The following MAF variants were observed in gnomAD, a reference collection of about 807,000 sequenced individuals.
MAF encodes the protein MAF bZIP transcription factor.
In MAF, 10 loss-of-function variants were observed where a neutral mutation model predicts 22.0. That is an observed-to-expected ratio of 0.45 (90% CI 0.28 to 0.77). MAF has a LOEUF of 0.77. MAF is among the 30% of genes least tolerant of loss of function. MAF has a pLI of 0.12. For missense variants in MAF, 544 were observed against 548.4 expected, an observed-to-expected ratio of 0.99 and a Z score of 0.08; for synonymous variants, 337 against 255.8, an observed-to-expected ratio of 1.32 and a Z score of -3.03.
the MAF span, among the ~76,000 whole-genome samples, chr16:79,229,853 C>T: frequency 1.3e-5 from 2 of 152,036 alleles, no homozygotes; most frequent in African/African-American, 4.8e-5. Context: ...GTAGAATGAC[C>T]TGATTTCTGC....
At chr16:79,446,625 A>C in the MAF span, among the ~76,000 whole-genome samples, 1 of 152,184 alleles carries the variant, frequency 6.6e-6, no homozygotes, top group Non-Finnish European at 1.5e-5. Flanking sequence ...TACATTTAAG[A>C]AATCAGGCCG....
chr16:79,265,703 A>G, the MAF span, among the ~76,000 whole-genome samples: 9 of 152,248 alleles, frequency 5.9e-5, 1 homozygote. Flanking sequence ...AGATCTTAGC[A>G]ATCTCAGCAC....
chr16:79,309,132 T>C, the MAF span, among the ~76,000 whole-genome samples: 1 of 152,160 alleles, frequency 6.6e-6, no homozygotes, highest in Admixed American at 6.5e-5. Context: ...GTGTTCCATC[T>C]AAGCCTTGGA....
chr16:79,479,424 T>C, the MAF span, among the ~76,000 whole-genome samples: 1 of 152,374 alleles, frequency 6.6e-6, no homozygotes, highest in African/African-American at 2.4e-5. Context: ...AATGTTTGAC[T>C]GAGCATCCGT....
the MAF span, among the ~76,000 whole-genome samples, chr16:79,527,264 G>A: frequency 2.6e-5 from 4 of 152,210 alleles, no homozygotes; most frequent in Admixed American, 6.5e-5. Context: ...TTGATATAGG[G>A]TTTCATCTCC....
the MAF span, among the ~76,000 whole-genome samples, chr16:79,270,188 C>T: frequency 1.3e-5 from 2 of 152,020 alleles, no homozygotes; most frequent in African/African-American, 4.8e-5. Context: ...AAGCAGATCC[C>T]TTCTGCATCT....
chr16:79,511,533 G>A, the MAF span, among the ~76,000 whole-genome samples: 4 of 152,128 alleles, frequency 2.6e-5, no homozygotes, highest in Non-Finnish European at 5.9e-5. Context: ...CAAAAATAAG[G>A]GAGACGTAGA....
chr16:79,467,229 G>T, the MAF span, among the ~76,000 whole-genome samples: 5 of 151,880 alleles, frequency 3.3e-5, no homozygotes, highest in Admixed American at 2.0e-4. Flanking sequence ...TTCATTAGGG[G>T]GTCCTCTCTG....
chr16:79,449,007 G>T, the MAF span, among the ~76,000 whole-genome samples: 1 of 152,200 alleles, frequency 6.6e-6, no homozygotes, highest in Non-Finnish European at 1.5e-5. Context: ...AGAACACTGG[G>T]AACCCCGAGA....
At chr16:79,596,286 A>T (rs1913519988) in intron 1 of MAF, 2 of 1,059,860 alleles carry the variant, frequency 1.9e-6, no homozygotes, top group African/African-American at 3.3e-5. Flanking sequence ...CATAATTTAC[A>T]TCTATATTAA....
At chr16:79,543,122 G>A in the MAF span, among the ~76,000 whole-genome samples, 1 of 152,186 alleles carries the variant, frequency 6.6e-6, no homozygotes, top group African/African-American at 2.4e-5. Context: ...GACAAAGTGG[G>A]AACATTCGTG....
At chr16:79,459,728 A>G in the MAF span, among the ~76,000 whole-genome samples, 1 of 151,994 alleles carries the variant, frequency 6.6e-6, no homozygotes, top group African/African-American at 2.4e-5. Context: ...GCGCACCACC[A>G]TGCCTGGCTA....
At chr16:79,494,489 C>G in the MAF span, among the ~76,000 whole-genome samples, 1 of 152,146 alleles carries the variant, frequency 6.6e-6, no homozygotes, top group Non-Finnish European at 1.5e-5. Flanking sequence ...ACACCCAAGA[C>G]AGTTTCTCCA....
At chr16:79,379,701 C>T in the MAF span, among the ~76,000 whole-genome samples, 1 of 152,174 alleles carries the variant, frequency 6.6e-6, no homozygotes, top group Non-Finnish European at 1.5e-5. Context: ...CTTGATCTTT[C>T]TGCTCCACTT....
the MAF span, among the ~76,000 whole-genome samples, chr16:79,408,274 T>A: frequency 6.6e-6 from 1 of 151,964 alleles, no homozygotes; most frequent in African/African-American, 2.4e-5. Flanking sequence ...CCTCCCGGGT[T>A]TAAGAAATTC....
intron 1 of MAF, chr16:79,595,868 A>G: frequency 3.8e-6 from 4 of 1,058,656 alleles, no homozygotes; most frequent in Non-Finnish European, 4.6e-6. Flanking sequence ...GGAAATATGG[A>G]AGTAAGGAGT....
At chr16:79,572,120 T>G in the MAF span, among the ~76,000 whole-genome samples, 7 of 152,228 alleles carry the variant, frequency 4.6e-5, no homozygotes, top group Non-Finnish European at 8.8e-5. Flanking sequence ...TCAGTCTTTT[T>G]TACATTTGTA....
chr16:79,274,127 G>C, the MAF span, among the ~76,000 whole-genome samples: 23 of 151,814 alleles, frequency 1.5e-4, no homozygotes, highest in Non-Finnish European at 2.6e-4. Context: ...GTTAATTTTT[G>C]TATTTTTAGT....
chr16:79,414,728 C>G, the MAF span, among the ~76,000 whole-genome samples: 1 of 152,122 alleles, frequency 6.6e-6, no homozygotes, highest in Non-Finnish European at 1.5e-5. Context: ...CAGCTGGGAG[C>G]CAAGATCAAA....
Sources: allele counts gnomAD v4.1 joint callset (sites outside exome capture counted in the v4.1 genomes callset), GRCh38; gene constraint gnomAD v4.1.1; transcripts MANE v1.5; gene names NCBI Gene and HGNC (gene_info 2026-07-23, HGNC 2026-07-21).